TNC: variants seen among roughly 807,000 people sequenced by gnomAD.
The protein encoded by TNC is tenascin.
In TNC, 109 loss-of-function variants were observed where a neutral mutation model predicts 202.4. The ratio of observed to expected loss-of-function variants is 0.54; its 90% CI spans 0.46 to 0.63. The LOEUF (loss-of-function observed/expected upper bound fraction) is 0.63. Among genes scored for constraint, TNC ranks in the 30% least tolerant of loss-of-function variants. The probability of loss-of-function intolerance (pLI) is 0.00; values close to 1 mark genes in which losing one functional copy is unlikely to be tolerated. For synonymous variants in TNC, 1,007 were observed against 1,089.7 expected (o/e 0.92, Z 1.50); for missense variants, 2,756 against 2,833.3 (o/e 0.97, Z 0.62).
At chr9:115,050,115 A>G (rs573278240) in intron 15 of TNC, among the ~76,000 whole-genome samples, 1 of 152,308 alleles carries the variant, frequency 6.6e-6, no homozygotes, top group South Asian at 2.1e-4. Flanking sequence ...TGTTTAGATA[A>G]GTGGCATCTC....
chr9:115,064,742 A>G lies in TNC; in HGVS notation c.3392T>C (p.Ile1131Thr). The change falls in exon 11 of 28, where the codon ATA (isoleucine) becomes ACA (threonine). Residue 1131 changes from isoleucine to threonine, a missense_variant. This residue lies in a region of TNC where 2,559 missense variants were observed against 2,546.0 expected (regional missense o/e 1.01). Coordinates refer to ENST00000350763, the MANE Select transcript of TNC (RefSeq NM_002160.4). ...TVPGSLRAVD[I>T]PGLKAATPYT... is the part of the protein sequence containing the mutation. Reference sequence around the variant, plus strand: ...AGGCGTAGCAGCCTTGAGGCCCGGTATGTCCACAGCCCGAAGGCTGCCAGG... The same window carrying G: ...AGGCGTAGCAGCCTTGAGGCCCGGTGTGTCCACAGCCCGAAGGCTGCCAGG... 1 of 1,614,196 alleles carries G rather than the reference A, an allele frequency of 6.2e-7. No homozygotes were observed. The highest frequency in any genetic ancestry group is 8.5e-7 in the Non-Finnish European group (1 of 1,180,038).
intron 25 of TNC, among the ~76,000 whole-genome samples, chr9:115,027,137 A>T (rs1168530308): frequency 1.3e-5 from 2 of 149,248 alleles, no homozygotes; most frequent in Non-Finnish European, 3.0e-5. Flanking sequence ...AAAAAGGGCC[A>T]TATCACACAG....
intron 3 of TNC, 55 bp downstream of exon 3, chr9:115,085,809 C>T: frequency 1.3e-6 from 2 of 1,500,772 alleles, no homozygotes; most frequent in Non-Finnish European, 1.8e-6. Flanking sequence ...CCAACCCATA[C>T]TAGGAGTCCA....
intron 27 of TNC, 82 bp from the exon 28 acceptor site, chr9:115,021,349 C>A: frequency 1.1e-6 from 1 of 927,768 alleles, no homozygotes; most frequent in Non-Finnish European, 1.7e-6. Flanking sequence ...GTTCACTGAT[C>A]ATTGCTATTT....
chr9:115,043,260 A>G (rs1280090529), intron 17 of TNC, among the ~76,000 whole-genome samples: 1 of 152,058 alleles, frequency 6.6e-6, no homozygotes, highest in Non-Finnish European at 1.5e-5. Context: ...ACCCACAGAA[A>G]TTCAGCAAGG....
At chr9:115,032,766 A>ATGACAGACAGATGT (rs1459775489) in intron 22 of TNC, among the ~76,000 whole-genome samples, 7 of 152,224 alleles carry the variant, frequency 4.6e-5, no homozygotes, top group African/African-American at 1.4e-4. Context: ...AGAGATATCC[A>ATGACAGACAGATGT]TGACAGACAG....
At chr9:115,027,525 G>A (rs555425869) in intron 25 of TNC, among the ~76,000 whole-genome samples, 129 of 151,908 alleles carry the variant, frequency 8.5e-4, no homozygotes, top group Middle Eastern at 3.4e-3. Flanking sequence ...AGGAGGCAGA[G>A]GTTGCAGTGA....
At chr9:115,027,514 C>T (rs955314940) in intron 25 of TNC, among the ~76,000 whole-genome samples, 1 of 152,008 alleles carries the variant, frequency 6.6e-6, no homozygotes. Flanking sequence ...TGCTTGAACC[C>T]AGGAGGCAGA....
At position 115,052,927 on chromosome 9, in the gene TNC, A is replaced by G. The variant is rs954835174; in HGVS notation, c.4579+4226T>C. On this transcript the variant is annotated intron_variant, in intron 15 of 27. Coordinates refer to ENST00000350763, the MANE Select transcript of TNC (RefSeq NM_002160.4). ...CACTCACATTGATAACAATCTTTGC[A>G]AAAAGCCCAGCTTGAGTGGTCCATG... 4.3e-6 allele frequency: 3 copies of G among 702,652 alleles called. No homozygotes were observed. The African/African-American group carries it at 5.2e-5, about 12-fold the overall frequency. 43.5% of individuals were successfully genotyped at this position (702,652 alleles called of 1,614,324 possible).
intron 9 of TNC, among the ~76,000 whole-genome samples, chr9:115,075,334 C>T (rs1469413764): frequency 6.6e-6 from 1 of 152,142 alleles, no homozygotes; most frequent in Non-Finnish European, 1.5e-5. Context: ...AATCCTGTTA[C>T]TTATAATCTG....
At chr9:115,085,329 C>T (rs1191600798) in intron 3 of TNC, among the ~76,000 whole-genome samples, 1 of 152,180 alleles carries the variant, frequency 6.6e-6, no homozygotes. Flanking sequence ...AGATAATAGG[C>T]ATTTCGTCTT....
In TNC at chr9:115,032,891, C is replaced by T. The variant is rs1830054417; in HGVS notation, c.5788-1206G>A. On this transcript the variant is annotated intron_variant, in intron 22 of 27. Coordinates refer to ENST00000350763, the MANE Select transcript of TNC (RefSeq NM_002160.4). ...TCCTCTTTCCACACCCTCTTGCTAGCTTCCAATTCTTTTCAGCAAATGACC... is the reference window on the plus strand; with the variant it reads ...TCCTCTTTCCACACCCTCTTGCTAGTTTCCAATTCTTTTCAGCAAATGACC... Among the ~76,000 whole-genome samples, 3 of 152,310 alleles carry T rather than the reference C, an allele frequency of 2.0e-5. No homozygotes were observed. In the South Asian group the frequency reaches 6.2e-4, roughly 32 times the overall value.
chr9:115,090,717 G>A lies in TNC; in HGVS notation c.302C>T (p.Thr101Ile). 6.2e-7 allele frequency: 1 copy of A among 1,614,220 alleles called. No homozygotes were observed. The highest frequency in any genetic ancestry group is 2.2e-5 in the East Asian group (1 of 44,884). The change falls in exon 2 of 28, where the codon ACA becomes ATA. Residue 101 changes from threonine (T) to isoleucine (I), a missense_variant. Thr to Ile is a moderately conservative substitution (Grantham distance 89). Coordinates refer to ENST00000350763, the MANE Select transcript of TNC (RefSeq NM_002160.4). Reference protein sequence around the residue: ...TVDGENQIVFTHRINIPRRAC... With the variant: ...TVDGENQIVFIHRINIPRRAC... ...CCGGCGGGGGATGTTGATGCGATGT[G>A]TGAAGACAATCTGGTTTTCCCCATC... is the stretch of plus-strand genomic sequence containing the variant.
chr9:115,029,593 T>C (rs771665715), intron 24 of TNC, 137 bp from the exon 25 acceptor site: 21 of 838,252 alleles, frequency 2.5e-5, no homozygotes, highest in Non-Finnish European at 3.8e-5. Flanking sequence ...TATGTAACTT[T>C]GGGTGGTCAC....
In TNC at chr9:115,041,300, C is replaced by CG. The variant is rs758926962; in HGVS notation, c.5249-217_5249-216insC. 1.1e-3 allele frequency among the ~76,000 whole-genome samples: 130 copies of CG among 123,496 alleles called. 5 individuals carry two copies. The highest frequency in any genetic ancestry group is 3.1e-3 in the African/African-American group (101 of 32,480). 81.0% of individuals were successfully genotyped at this position (123,496 alleles called of 152,430 possible). On this transcript the variant is annotated intron_variant, in intron 18 of 27. Coordinates refer to ENST00000350763, the MANE Select transcript of TNC (RefSeq NM_002160.4). ...TTGGTGCAGATGCCAAAAACAAAGC[C>CG]AGGAGGGGCGGGGGAAAACATGAAG...
intron 15 of TNC, chr9:115,052,943 G>A: frequency 1.4e-6 from 1 of 702,748 alleles, no homozygotes; most frequent in Non-Finnish European, 2.6e-6. Context: ...CCCAGCTTGA[G>A]TGGTCCATGA....
At chr9:115,081,718 G>T in intron 6 of TNC, 54 bp downstream of exon 6, 1 of 1,596,256 alleles carries the variant, frequency 6.3e-7, no homozygotes, top group Non-Finnish European at 8.6e-7. Context: ...ACCAGGAGGT[G>T]CTATGAGGTA....
At chr9:115,092,302 T>C (rs542961995) in intron 1 of TNC, among the ~76,000 whole-genome samples, 4 of 152,342 alleles carry the variant, frequency 2.6e-5, no homozygotes, top group East Asian at 1.9e-4. Flanking sequence ...TATGCTACCA[T>C]GAAGCAATTC....
rs1832740050 is a variant in TNC at position 115,063,909 on chromosome 9, C to G, written c.3647G>C (p.Gly1216Ala). 5 of 1,614,132 alleles carry G rather than the reference C, an allele frequency of 3.1e-6. No homozygotes were observed. The South Asian group carries it at 3.3e-5, about 11-fold the overall frequency. The change falls in exon 12 of 28, where the codon GGA becomes GCA. Residue 1216 changes from glycine (G) to alanine (A), a missense_variant. By Grantham distance (60) the Gly-to-Ala change is moderately conservative. Around this residue, in one of 2 missense-constraint regions of TNC, gnomAD observed 2,559 missense variants for 2,546.0 expected, o/e 1.01. Transcript: ENST00000350763. ...CCCAGGCAGGTCTGTGGACCTCAGT[C>G]CTCCTGGGACGGTGAGGTTCTGGGC... ...EAAQNLTVPG[G>A]LRSTDLPGLK...
Sources: gnomAD v4.1 joint callset for allele counts (sites outside exome capture counted in the v4.1 genomes callset) on GRCh38, gnomAD v4.1.1 for gene constraint, gnomAD v4.1.1 regional missense constraint, MANE v1.5 for transcripts, NCBI Gene and HGNC (gene_info 2026-07-23, HGNC 2026-07-21) for gene names.